Variants in PDE1C observed in about 807,000 individuals in gnomAD.
The protein encoded by PDE1C is phosphodiesterase 1C.
Under a neutral mutation model 93.1 loss-of-function variants are expected in PDE1C, and 62 were observed. The observed-to-expected ratio is 0.67, with a 90% CI of 0.54 to 0.82. PDE1C has a LOEUF of 0.82. Ranked by LOEUF, PDE1C falls within the 40% of genes least tolerant of loss-of-function variation. PDE1C has a pLI of 0.00. For missense variants in PDE1C, 742 were observed against 884.6 expected (o/e 0.84, Z 2.04); for synonymous variants, 325 against 310.1 (o/e 1.05, Z -0.50).
At chr7:31,778,912 C>T (rs1783195035) in intron 16 of PDE1C, among the ~76,000 whole-genome samples, 1 of 152,168 alleles carries the variant, frequency 6.6e-6, no homozygotes, top group African/African-American at 2.4e-5. Context: ...CAAGATCATT[C>T]AAAGTTCAAA....
intron 7 of PDE1C, among the ~76,000 whole-genome samples, chr7:31,858,082 G>C (rs1348398333): frequency 6.6e-6 from 1 of 152,148 alleles, no homozygotes; most frequent in African/African-American, 2.4e-5. Context: ...CATGGGAGAA[G>C]CTAAGAGGTA....
At chr7:31,839,454 T>G (rs181962637) in intron 9 of PDE1C, among the ~76,000 whole-genome samples, 2 of 152,068 alleles carry the variant, frequency 1.3e-5, no homozygotes, top group Admixed American at 1.3e-4. Flanking sequence ...CAAAATGTAC[T>G]CTTTCTTTAC....
the PDE1C span, among the ~76,000 whole-genome samples, chr7:31,667,189 C>T: frequency 6.6e-6 from 1 of 152,134 alleles, no homozygotes; most frequent in Non-Finnish European, 1.5e-5. Flanking sequence ...GCTGACCTAC[C>T]CGCCTATAGC....
chr7:31,854,924 G>T (rs149672444), intron 7 of PDE1C, among the ~76,000 whole-genome samples: 1 of 152,058 alleles, frequency 6.6e-6, no homozygotes, highest in East Asian at 1.9e-4. Flanking sequence ...AAAATCAGCC[G>T]GGTGTGCTGG....
chr7:31,875,831 AT>A (rs1796505700), intron 5 of PDE1C, among the ~76,000 whole-genome samples: 20 of 90,122 alleles, frequency 2.2e-4, no homozygotes, highest in African/African-American at 7.8e-4. Context: ...ATATATATAT[AT>A]ATAATGGAAA....
rs372161562 is a variant in PDE1C, at chr7:32,090,951, CAG to C, written c.308+78832_308+78833del. Among the ~76,000 whole-genome samples the C allele has an allele frequency of 1.5e-3, 234 of 152,298 alleles. 3 individuals are homozygous for C. The highest frequency in any genetic ancestry group is 5.4e-3 in the African/African-American group (223 of 41,574). On this transcript the variant is annotated intron_variant, in intron 3 of 18. Transcript: ENST00000396193. ...AAACTAAAAGGGGCCAGATAACTAACAGAGATATATTCAAGTTCTTCAGAAAG... is the reference window on the plus strand; with the variant it reads ...AAACTAAAAGGGGCCAGATAACTAACAGATATATTCAAGTTCTTCAGAAAG...
chr7:32,214,085 T>C (rs1806247898), intron 1 of PDE1C, among the ~76,000 whole-genome samples: 1 of 152,196 alleles, frequency 6.6e-6, no homozygotes, highest in Admixed American at 6.5e-5. Context: ...TGTATATATA[T>C]GTACATGTGT....
At chr7:32,207,967 T>C (rs1023853745) in intron 2 of PDE1C, among the ~76,000 whole-genome samples, 2 of 152,252 alleles carry the variant, frequency 1.3e-5, no homozygotes, top group Non-Finnish European at 2.9e-5. Flanking sequence ...TGACAACTGC[T>C]CAGGAGATGA....
rs116683556 is a variant in PDE1C, at chr7:31,791,520, T to C, written c.1892-15788A>G. On this transcript the variant is annotated intron_variant, in intron 16 of 17. Transcript: ENST00000396191. Reference sequence around the variant, plus strand: ...ATACATGACTTTGTCCTTAGTACTCTGACCCTGCCATTATCAACTTGGGAT... The same window carrying C: ...ATACATGACTTTGTCCTTAGTACTCCGACCCTGCCATTATCAACTTGGGAT... Among the ~76,000 whole-genome samples, 415 of 152,288 alleles carry C rather than the reference T, an allele frequency of 2.7e-3. 2 individuals are homozygous for C. The highest frequency in any genetic ancestry group is 9.2e-3 in the African/African-American group (383 of 41,572).
chr7:31,787,013 G>A (rs1316241592), intron 16 of PDE1C: 1 of 151,754 alleles, frequency 6.6e-6, no homozygotes, highest in Non-Finnish European at 1.5e-5. Context: ...TGACCCATGA[G>A]AGAAGTGATA....
At chr7:32,331,927 C>T (rs920899342) in intron 1 of PDE1C, among the ~76,000 whole-genome samples, 2 of 152,136 alleles carry the variant, frequency 1.3e-5, no homozygotes, top group African/African-American at 4.8e-5. Context: ...CCGTTAAAAG[C>T]AAGGCCACCT....
rs139933031 is a variant in PDE1C, at chr7:32,050,645, C to T, written c.128+909G>A. On this transcript the variant is annotated intron_variant, in intron 2 of 17. Coordinates refer to ENST00000396191, the MANE Select transcript of PDE1C (RefSeq NM_001191057.4). ...ATATATATAATTTTTAAAAGATGAA[C>T]AAATGAATAAATTCCACGAGGAAGT... Among the ~76,000 whole-genome samples, 632 of 151,768 alleles carry T rather than the reference C, an allele frequency of 4.2e-3. 3 individuals are homozygous for T. The highest frequency in any genetic ancestry group is 0.014 in the African/African-American group (589 of 41,372).
intron 5 of PDE1C, among the ~76,000 whole-genome samples, chr7:31,874,348 T>C (rs950859076): frequency 2.0e-4 from 31 of 152,356 alleles, no homozygotes; most frequent in Non-Finnish European, 3.8e-4. Context: ...AACAGTCATT[T>C]GGCTTTTCAC....
intron 14 of PDE1C, among the ~76,000 whole-genome samples, chr7:31,819,223 G>A (rs1323776918): frequency 1.3e-5 from 2 of 152,006 alleles, no homozygotes; most frequent in African/African-American, 4.8e-5. Flanking sequence ...TAGTGTGATC[G>A]ACTGCATGAC....
At chr7:32,146,036 G>A (rs1800812870) in intron 3 of PDE1C, among the ~76,000 whole-genome samples, 1 of 152,260 alleles carries the variant, frequency 6.6e-6, no homozygotes, top group Middle Eastern at 3.4e-3. Context: ...GAATAAGAAG[G>A]GGTAGTTAGC....
At chr7:31,785,386 C>T (rs771549980) in intron 16 of PDE1C, 1 of 152,138 alleles carries the variant, frequency 6.6e-6, no homozygotes, top group Non-Finnish European at 1.5e-5. Context: ...TGAAGCCAGC[C>T]ATTGCCAGGG....
At chr7:32,150,846 GC>G (rs1383994025) in intron 3 of PDE1C, among the ~76,000 whole-genome samples, 3 of 152,144 alleles carry the variant, frequency 2.0e-5, no homozygotes, top group African/African-American at 7.2e-5. Flanking sequence ...TCCATGCTGA[GC>G]TTTAAGTACA....
At chr7:32,190,830 G>A (rs932907140) in intron 2 of PDE1C, among the ~76,000 whole-genome samples, 23 of 152,280 alleles carry the variant, frequency 1.5e-4, no homozygotes, top group South Asian at 1.2e-3. Flanking sequence ...TCAAATAAAG[G>A]AGAAAGTAAT....
intron 2 of PDE1C, among the ~76,000 whole-genome samples, chr7:31,897,781 C>A (rs111465958): frequency 6.6e-6 from 1 of 152,148 alleles, no homozygotes; most frequent in Non-Finnish European, 1.5e-5. Context: ...GAATCTCCAA[C>A]GCTCATTAAT....
Sources: gnomAD v4.1 joint callset for allele counts (sites outside exome capture counted in the v4.1 genomes callset) on GRCh38, gnomAD v4.1.1 for gene constraint, MANE v1.5 for transcripts, NCBI Gene and HGNC (gene_info 2026-07-23, HGNC 2026-07-21) for gene names.